The following NAMPT variants were observed in gnomAD, a reference collection of about 807,000 sequenced individuals.
The protein encoded by NAMPT is NAmPRTase.
A neutral mutation model predicts 58.7 loss-of-function variants in NAMPT; 7 were observed. The observed-to-expected ratio is 0.12, with a 90% CI of 0.07 to 0.22. The LOEUF (loss-of-function observed/expected upper bound fraction) is 0.22. NAMPT is among the 10% of genes least tolerant of loss of function. The probability of loss-of-function intolerance (pLI) is 1.00; values close to 1 mark genes in which losing one functional copy is unlikely to be tolerated. For missense variants in NAMPT, 271 were observed against 567.9 expected, an observed-to-expected ratio of 0.48 and a Z score of 5.31; for synonymous variants, 145 against 198.1, an observed-to-expected ratio of 0.73 and a Z score of 2.25.
Position 106,248,528 on chromosome 7 carries a change from T to C in NAMPT, c.*2555A>G, listed in dbSNP as rs1411766454. On this transcript the variant is annotated 3_prime_UTR_variant, in exon 11 of 11. Transcript: ENST00000222553. ...TTCTAATTTTCCAAGATAGATTTCA[T>C]TATAAAAATTGTTTGATAACAATTT... The C allele has an allele frequency of 2.6e-5, 4 of 152,338 alleles. No homozygotes were observed. The East Asian group carries it at 7.7e-4, about 29-fold the overall frequency. 9.4% of individuals were successfully genotyped at this position (152,338 alleles called of 1,614,324 possible). A position where few individuals can be genotyped will look rare whatever the true frequency, so the allele number is the denominator to read the frequency against.
intron 10 of NAMPT, among the ~76,000 whole-genome samples, chr7:106,252,121 A>G (rs1347407734): frequency 6.6e-6 from 1 of 152,108 alleles, no homozygotes; most frequent in Non-Finnish European, 1.5e-5. Context: ...AGTTTATTCT[A>G]CTATCATTCA....
At position 106,265,839 on chromosome 7, in the gene NAMPT, T is replaced by A. The variant is rs16872158; in HGVS notation, c.744-2222A>T. Among the ~76,000 whole-genome samples, 373 of 152,342 alleles carry A rather than the reference T, an allele frequency of 2.4e-3. 9 individuals carry two copies. In the East Asian group the frequency reaches 0.066, roughly 27 times the overall value. On this transcript the variant is annotated intron_variant, in intron 6 of 10. Coordinates refer to ENST00000222553, the MANE Select transcript of NAMPT (RefSeq NM_005746.3). ...CTAATTTCAAGCACCAAATTAAATT[T>A]GATACCTTTCCAAAGTTTGAGAAAA...
intron 4 of NAMPT, chr7:106,271,962 C>T (rs970508296): frequency 3.9e-4 from 84 of 216,578 alleles, no homozygotes; most frequent in Non-Finnish European, 6.9e-4. Context: ...GGTATACATA[C>T]AAGAAAAACA....
Position 106,253,013 on chromosome 7 carries a change from A to C in NAMPT, c.1365+4T>G. On this transcript the variant is annotated splice_donor_region_variant and intron_variant, in intron 10 of 10. Coordinates refer to ENST00000222553, the MANE Select transcript of NAMPT (RefSeq NM_005746.3). ...TAAAAAAACCAATCAGCATAGATAC[A>C]TACCTGACCATATTCCTCAAGGTCT... 2 of 1,612,970 alleles carry C rather than the reference A, an allele frequency of 1.2e-6. No individual in the cohort carries two copies. The highest frequency in any genetic ancestry group is 1.7e-6 in the Non-Finnish European group (2 of 1,179,190).
At chr7:106,272,474 C>A in intron 4 of NAMPT, 56 bp downstream of exon 4, 1 of 1,468,076 alleles carries the variant, frequency 6.8e-7, no homozygotes, top group Non-Finnish European at 9.3e-7. Context: ...ACTGTAATCT[C>A]AGTTCAATGG....
In NAMPT at chr7:106,251,203, T is replaced by C; in HGVS notation, c.1366-10A>G. 2 of 1,549,952 alleles carry C rather than the reference T, an allele frequency of 1.3e-6. No individual in the cohort carries two copies. The highest frequency in any genetic ancestry group is 2.2e-5 in the South Asian group (2 of 89,576). ...CAGTATGGAGAAGATCCTGCATAAA[T>C]GGAAATTTCATGATTATATTACATT... On this transcript the variant is annotated splice_polypyrimidine_tract_variant and intron_variant, in intron 10 of 10. Transcript: ENST00000222553.
chr7:106,270,995 C>G (rs1792520510), intron 4 of NAMPT, among the ~76,000 whole-genome samples: 1 of 152,240 alleles, frequency 6.6e-6, no homozygotes, highest in Admixed American at 6.5e-5. Flanking sequence ...ATTACTCTTT[C>G]AATTCCACTG....
At position 106,250,140 on chromosome 7, in the gene NAMPT, T is replaced by G. The variant is rs1284515874; in HGVS notation, c.*943A>C. 6.6e-6 allele frequency: 1 copy of G among 152,480 alleles called. No individual in the cohort carries two copies. Among genetic ancestry groups the G allele is most frequent in the Non-Finnish European group, 1.5e-5 (1 of 67,964 alleles). 9.4% of individuals were successfully genotyped at this position (152,480 alleles called of 1,614,324 possible). A position where few individuals can be genotyped will look rare whatever the true frequency, so the allele number is the denominator to read the frequency against. On this transcript the variant is annotated 3_prime_UTR_variant, in exon 11 of 11. Transcript: ENST00000222553. ...ACTCACTACCCACTCCAGTAATTCA[T>G]TTAAGTCATACCAACTATAGAATAT...
At chr7:106,284,708 G>A in intron 1 of NAMPT, 120 bp downstream of exon 1, 1 of 1,023,372 alleles carries the variant, frequency 9.8e-7, no homozygotes. Flanking sequence ...GCCTCCCCGC[G>A]CCGCGACCCT....
intron 6 of NAMPT, 129 bp from the exon 7 acceptor site, chr7:106,263,746 T>G (rs557201251): frequency 1.4e-6 from 1 of 729,850 alleles, no homozygotes; most frequent in African/African-American, 1.8e-5. Context: ...GTGACTTAGT[T>G]TAATGAATAT....
At chr7:106,277,331 T>TAA in intron 1 of NAMPT, 152 bp from the exon 2 acceptor site, 1 of 639,922 alleles carries the variant, frequency 1.6e-6, no homozygotes, top group African/African-American at 1.8e-5. Context: ...AAATAAAAAA[T>TAA]AAGTATCTAA....
intron 4 of NAMPT, chr7:106,271,785 G>A (rs988765475): frequency 3.3e-5 from 5 of 152,428 alleles, no homozygotes; most frequent in African/African-American, 1.2e-4. Context: ...AAACTAATTA[G>A]TCAGTTCTAA....
chr7:106,251,781 C>T (rs1441970752), intron 10 of NAMPT, among the ~76,000 whole-genome samples: 1 of 152,046 alleles, frequency 6.6e-6, no homozygotes, highest in African/African-American at 2.4e-5. Flanking sequence ...CTCCAAAAGT[C>T]AATGACAAAG....
chr7:106,265,227 C>A (rs190109708), intron 6 of NAMPT, among the ~76,000 whole-genome samples: 1 of 152,066 alleles, frequency 6.6e-6, no homozygotes, highest in Non-Finnish European at 1.5e-5. Context: ...AACTTTACAA[C>A]GTATGAATTA....
intron 9 of NAMPT, among the ~76,000 whole-genome samples, chr7:106,254,141 T>C (rs1040917845): frequency 7.2e-5 from 11 of 152,164 alleles, no homozygotes; most frequent in South Asian, 2.1e-4. Context: ...TTAAATAATC[T>C]TTTTCCTTAT....
At chr7:106,261,841 A>G (rs574667072) in intron 7 of NAMPT, 134 bp from the exon 8 acceptor site, 1 of 874,808 alleles carries the variant, frequency 1.1e-6, no homozygotes, top group Non-Finnish European at 1.8e-6. Flanking sequence ...TTATAACACT[A>G]TGTATATGCT....
At chr7:106,277,259 T>C in intron 1 of NAMPT, 80 bp from the exon 2 acceptor site, 1 of 1,187,288 alleles carries the variant, frequency 8.4e-7, no homozygotes, top group Non-Finnish European at 1.2e-6. Flanking sequence ...TGAAGTTATT[T>C]CAAAACCAGA....
chr7:106,285,162 C>G (rs1040159707), upstream of NAMPT: 6 of 1,246,572 alleles, frequency 4.8e-6, no homozygotes, highest in East Asian at 1.7e-4. Context: ...CGTCACCCTC[C>G]GGGGGCCGAG....
chr7:106,262,202 CAT>C (rs1019643103), intron 7 of NAMPT, among the ~76,000 whole-genome samples: 2 of 152,064 alleles, frequency 1.3e-5, no homozygotes, highest in Admixed American at 6.5e-5. Context: ...ATCTAGAACC[CAT>C]AGTCTCTAAG....
Sources: gnomAD v4.1 joint callset for allele counts (sites outside exome capture counted in the v4.1 genomes callset) on GRCh38, gnomAD v4.1.1 for gene constraint, MANE v1.5 for transcripts, NCBI Gene and HGNC (gene_info 2026-07-23, HGNC 2026-07-21) for gene names.